Variants in CBLB observed in about 807,000 individuals in gnomAD.
CBLB encodes E3 ubiquitin-protein ligase CBL-B.
Under a neutral mutation model 104.9 loss-of-function variants are expected in CBLB, and 31 were observed. The observed-to-expected ratio is 0.30, with a 90% CI of 0.22 to 0.40. The LOEUF (loss-of-function observed/expected upper bound fraction) is 0.40, where lower values mean the gene tolerates loss of function less well. CBLB is among the 10% of genes least tolerant of loss of function. The probability of loss-of-function intolerance (pLI) is 1.00; values close to 1 mark genes in which losing one functional copy is unlikely to be tolerated. For missense variants in CBLB, 1,062 were observed against 1,214.6 expected, an observed-to-expected ratio of 0.87 and a Z score of 1.87; for synonymous variants, 440 against 422.6, an observed-to-expected ratio of 1.04 and a Z score of -0.51.
At chr3:105,738,502 T>C (rs1560026300) in intron 7 of CBLB, among the ~76,000 whole-genome samples, 1 of 152,028 alleles carries the variant, frequency 6.6e-6, no homozygotes, top group Non-Finnish European at 1.5e-5. Context: ...CTTTTTTATA[T>C]ACCCTAAAAA....
chr3:105,750,498 C>G (rs1362492898), intron 5 of CBLB, among the ~76,000 whole-genome samples: 1 of 152,052 alleles, frequency 6.6e-6, no homozygotes, highest in Admixed American at 6.6e-5. Flanking sequence ...CATAAGTAAG[C>G]CCAGTCTGAT....
At chr3:105,869,056 G>T (rs1031310004), upstream of CBLB, 1 of 1,081,028 alleles carries the variant, frequency 9.3e-7, no homozygotes, top group Non-Finnish European at 1.1e-6. Context: ...TCGGGGCGGG[G>T]CGGGGCGGGG....
chr3:105,864,465 A>G (rs1159766714), intron 2 of CBLB, among the ~76,000 whole-genome samples: 1 of 152,166 alleles, frequency 6.6e-6, no homozygotes, highest in Non-Finnish European at 1.5e-5. Context: ...TACTTCTATC[A>G]CTGTATCAAA....
In CBLB at chr3:105,737,254, G is replaced by C; in HGVS notation, c.988C>G (p.Leu330Val). 1 of 1,525,292 alleles carries C rather than the reference G, an allele frequency of 6.6e-7. No homozygotes were observed. The highest frequency in any genetic ancestry group is 1.7e-5 in the Admixed American group (1 of 58,902). 94.5% of individuals were successfully genotyped at this position (1,525,292 alleles called of 1,614,324 possible). Residue 330 changes from leucine to valine, a missense_variant, in exon 8 of 19, where the codon CTT (leucine) becomes GTT (valine). Transcript: ENST00000394030. ...TTATAACTCCTCCCATCAGGATAAA[G>C]ATAACTGAATTTAAACAGAAACTTT... ...LIDGSREGFY[L>V]YPDGRSYNPD...
intron 18 of CBLB, among the ~76,000 whole-genome samples, chr3:105,661,158 A>G (rs1242544513): frequency 1.3e-5 from 2 of 152,184 alleles, no homozygotes; most frequent in Non-Finnish European, 2.9e-5. Flanking sequence ...GTCCAGTTTT[A>G]GAAAATATTA....
intron 4 of CBLB, 140 bp from the exon 5 acceptor site, chr3:105,751,758 A>G (rs2076611956): frequency 1.1e-5 from 8 of 736,474 alleles, no homozygotes; most frequent in South Asian, 7.9e-5. Context: ...AATATTGTTC[A>G]TATTTCAGAA....
At chr3:105,708,472 A>T (rs1037467785) in intron 10 of CBLB, among the ~76,000 whole-genome samples, 1 of 152,080 alleles carries the variant, frequency 6.6e-6, no homozygotes, top group African/African-American at 2.4e-5. Context: ...TCATACGGAT[A>T]CTCTTGATTA....
chr3:105,683,907 T>A (rs747705347), intron 14 of CBLB, among the ~76,000 whole-genome samples: 2 of 152,246 alleles, frequency 1.3e-5, no homozygotes, highest in Non-Finnish European at 2.9e-5. Context: ...AGAATGTTGA[T>A]AATTCTAACC....
chr3:105,681,281 C>G (rs2066283803), intron 16 of CBLB, 198 bp downstream of exon 16: 1 of 608,086 alleles, frequency 1.6e-6, no homozygotes, highest in Non-Finnish European at 2.9e-6. Flanking sequence ...TGCCCAACTA[C>G]TACACTACTA....
At chr3:105,786,654 G>A (rs1002710938) in intron 3 of CBLB, among the ~76,000 whole-genome samples, 1 of 152,132 alleles carries the variant, frequency 6.6e-6, no homozygotes, top group Non-Finnish European at 1.5e-5. Context: ...CCAGACAACA[G>A]AAAGCTCAAA....
intron 3 of CBLB, among the ~76,000 whole-genome samples, chr3:105,823,361 G>A (rs918196333): frequency 1.1e-4 from 16 of 152,134 alleles, no homozygotes; most frequent in African/African-American, 3.1e-4. Context: ...GGGGAAGGGC[G>A]AGAAGGGATG....
intron 9 of CBLB, among the ~76,000 whole-genome samples, chr3:105,726,678 T>C (rs1172323089): frequency 2.0e-5 from 3 of 152,124 alleles, no homozygotes; most frequent in African/African-American, 7.2e-5. Context: ...ACATTAGGTA[T>C]GTCTCCTAAA....
intron 10 of CBLB, among the ~76,000 whole-genome samples, chr3:105,716,678 CTCT>C (rs981552232): frequency 5.3e-5 from 8 of 152,194 alleles, no homozygotes; most frequent in Admixed American, 1.3e-4. Context: ...TGAAATATAC[CTCT>C]TCAACTTAAA....
intron 9 of CBLB, among the ~76,000 whole-genome samples, chr3:105,722,514 C>A (rs1326278170): frequency 1.3e-5 from 2 of 152,092 alleles, no homozygotes; most frequent in Non-Finnish European, 2.9e-5. Flanking sequence ...CATATAAATT[C>A]ACTGGTAAAT....
At chr3:105,736,427 G>T (rs1250646177) in intron 8 of CBLB, among the ~76,000 whole-genome samples, 3 of 151,988 alleles carry the variant, frequency 2.0e-5, no homozygotes, top group Non-Finnish European at 4.4e-5. Flanking sequence ...TTACATAAAT[G>T]GAATTATTTT....
rs2067392599 is a variant in CBLB at position 105,689,376 on chromosome 3, CAAA to C, written c.2055-3913_2055-3911del. 1.3e-5 allele frequency among the ~76,000 whole-genome samples: 2 copies of C among 150,686 alleles called. 1 individual carries two copies. The highest frequency in any genetic ancestry group is 4.2e-4 in the South Asian group (2 of 4,810). On this transcript the variant is annotated intron_variant, in intron 13 of 18. Transcript: ENST00000394030. ...AAATAGATAATACCACCTCCAACAA[CAAA>C]AAAACCTTTCTTACAAAAATGCAAA...
rs200015385 is a variant in CBLB, at chr3:105,868,060, TACATAA to T, written c.-14-475_-14-470del. On this transcript the variant is annotated intron_variant, in intron 1 of 18. Coordinates refer to ENST00000394030, the MANE Select transcript of CBLB (RefSeq NM_170662.5). ...TTCACTCTGTTAGATTTCTCCAAGT[TACATAA>T]ACATAAAGATTATCCTACACAAACG... The T allele has an allele frequency of 5.2e-3, 2,635 of 501,998 alleles. 50 individuals carry two copies. Among genetic ancestry groups the T allele is most frequent in the African/African-American group, 0.047 (2,369 of 50,082 alleles). The allele number at this position is 501,998 out of a possible 1,614,324, so 31.1% of individuals were successfully genotyped here.
intron 3 of CBLB, among the ~76,000 whole-genome samples, chr3:105,813,588 T>C (rs2084600724): frequency 6.6e-6 from 1 of 151,978 alleles, no homozygotes. Flanking sequence ...GGAAAGAAAA[T>C]AAAAATTAAA....
chr3:105,758,774 C>T (rs2077313001), intron 4 of CBLB, among the ~76,000 whole-genome samples: 1 of 152,248 alleles, frequency 6.6e-6, no homozygotes. Context: ...AAGTGGCTTC[C>T]ACTGTGGGCA....
Sources: allele counts gnomAD v4.1 joint callset (sites outside exome capture counted in the v4.1 genomes callset), GRCh38; gene constraint gnomAD v4.1.1; transcripts MANE v1.5; gene names NCBI Gene and HGNC (gene_info 2026-07-23, HGNC 2026-07-21).